Variants in POC1A observed in about 807,000 individuals in gnomAD.
POC1A encodes the protein POC1 centriolar protein A, also known as POC1 centriolar protein homolog A.
Under a neutral mutation model 47.8 loss-of-function variants are expected in POC1A, and 34 were observed. The ratio of observed to expected loss-of-function variants is 0.71; its 90% CI spans 0.54 to 0.95. POC1A has a LOEUF of 0.95. Ranked by LOEUF, POC1A falls within the 40% of genes least tolerant of loss-of-function variation. The pLI is 0.00. For missense variants in POC1A, 466 were observed against 528.3 expected (o/e 0.88, Z 1.16); for synonymous variants, 177 against 207.6 (o/e 0.85, Z 1.27).
intron 9 of POC1A, among the ~76,000 whole-genome samples, chr3:52,117,694 G>T (rs182139637): frequency 9.5e-4 from 144 of 151,372 alleles, no homozygotes; most frequent in African/African-American, 3.4e-3. Context: ...CAGAAAGTGG[G>T]TTTTTTTTTC....
intron 6 of POC1A, among the ~76,000 whole-genome samples, chr3:52,139,422 G>C (rs551334971): frequency 6.6e-6 from 1 of 152,080 alleles, no homozygotes; most frequent in East Asian, 1.9e-4. Flanking sequence ...TCCAAGAGCC[G>C]GCCACCCCAG....
intron 10 of POC1A, among the ~76,000 whole-genome samples, chr3:52,088,665 G>T (rs1389005570): frequency 6.6e-6 from 1 of 152,114 alleles, no homozygotes; most frequent in Non-Finnish European, 1.5e-5. Context: ...TCATAACACA[G>T]GCCCCTTTCT....
At chr3:52,137,439 C>T (rs962233626) in intron 7 of POC1A, among the ~76,000 whole-genome samples, 19 of 152,294 alleles carry the variant, frequency 1.2e-4, no homozygotes, top group Admixed American at 9.1e-4. Context: ...GACTCCAGAC[C>T]TCCCATCTCA....
At chr3:52,116,360 C>T (rs1703564997) in intron 9 of POC1A, among the ~76,000 whole-genome samples, 1 of 152,222 alleles carries the variant, frequency 6.6e-6, no homozygotes, top group South Asian at 2.1e-4. Flanking sequence ...GACCATCCTT[C>T]GGCACGGATG....
At chr3:52,147,120 C>T (rs1253343863) in intron 4 of POC1A, 25 bp from the exon 5 acceptor site, 2 of 1,556,726 alleles carry the variant, frequency 1.3e-6, no homozygotes, top group Non-Finnish European at 1.8e-6. Context: ...GCACAAGTCA[C>T]ATCACAGACT....
At chr3:52,115,145 T>C (rs1299872419) in intron 9 of POC1A, among the ~76,000 whole-genome samples, 1 of 152,028 alleles carries the variant, frequency 6.6e-6, no homozygotes, top group Non-Finnish European at 1.5e-5. Flanking sequence ...TTCCCTTTAA[T>C]AGTATTTTTT....
chr3:52,099,809 C>A (rs772968737), intron 9 of POC1A, among the ~76,000 whole-genome samples: 1 of 152,204 alleles, frequency 6.6e-6, no homozygotes, highest in Non-Finnish European at 1.5e-5. Flanking sequence ...TGAGATCACA[C>A]CACTGCACTC....
At chr3:52,148,142 T>C (rs1698431363) in intron 4 of POC1A, among the ~76,000 whole-genome samples, 1 of 152,160 alleles carries the variant, frequency 6.6e-6, no homozygotes, top group Non-Finnish European at 1.5e-5. Context: ...TGGGACCAGG[T>C]CCTCCGAGTC....
Position 52,079,202 on chromosome 3 carries a change from T to C in POC1A, c.1126-3217A>G, listed in dbSNP as rs1702209770. On this transcript the variant is annotated intron_variant, in intron 10 of 10. Transcript: ENST00000296484. This position sits in a 1 kb window ranked among gnomAD's most constrained non-coding sequence, Gnocchi z 4.6. Reference sequence around the variant, plus strand: ...AACAAAAAGTAAGCACATCCCCACATACCCATACGAGGGTTCAGAAAATAC... The same window carrying C: ...AACAAAAAGTAAGCACATCCCCACACACCCATACGAGGGTTCAGAAAATAC... 1.3e-5 allele frequency among the ~76,000 whole-genome samples: 2 copies of C among 152,258 alleles called. No homozygotes were observed. The highest frequency in any genetic ancestry group is 2.4e-5 in the African/African-American group (1 of 41,474).
At chr3:52,081,218 G>T (rs1702269129) in intron 10 of POC1A, among the ~76,000 whole-genome samples, 1 of 152,194 alleles carries the variant, frequency 6.6e-6, no homozygotes, top group African/African-American at 2.4e-5. Flanking sequence ...AGGTTTTATG[G>T]ACACGCCTGC....
intron 10 of POC1A, among the ~76,000 whole-genome samples, chr3:52,094,687 C>A (rs1200226237): frequency 6.6e-6 from 1 of 152,240 alleles, no homozygotes; most frequent in African/African-American, 2.4e-5. Flanking sequence ...CAAGAACATG[C>A]CTCGCTTTAT....
At chr3:52,119,002 AG>A (rs1703670756) in intron 9 of POC1A, among the ~76,000 whole-genome samples, 1 of 137,564 alleles carries the variant, frequency 7.3e-6, no homozygotes, top group Non-Finnish European at 1.5e-5. Context: ...TAAAGGCAAA[AG>A]GTTTTTTTTT....
chr3:52,117,524 G>T (rs530502794), intron 9 of POC1A, among the ~76,000 whole-genome samples: 15 of 152,286 alleles, frequency 9.8e-5, no homozygotes, highest in Admixed American at 2.0e-4. Context: ...GGTAGAGAAA[G>T]GATTTAATCA....
At position 52,139,872 on chromosome 3, in the gene POC1A, A is replaced by G. The variant is rs1698130576; in HGVS notation, c.680-1570T>C. ...GGGCAGTCTACGTGGGGACAGAGCA[A>G]CTCCACAGCCAATGCATGGATCAGC... On this transcript the variant is annotated intron_variant, in intron 6 of 10. Coordinates refer to ENST00000296484, the MANE Select transcript of POC1A (RefSeq NM_015426.5). 2.0e-5 allele frequency among the ~76,000 whole-genome samples: 3 copies of G among 151,976 alleles called. No homozygotes were observed. In the South Asian group the frequency reaches 6.2e-4, roughly 32 times the overall value.
intron 2 of POC1A, among the ~76,000 whole-genome samples, chr3:52,150,276 C>G (rs890182495): frequency 6.6e-6 from 1 of 152,166 alleles, no homozygotes; most frequent in Non-Finnish European, 1.5e-5. Flanking sequence ...AACTCATTCC[C>G]ATGGGGCCCA....
In POC1A at chr3:52,079,992, G is replaced by T. The variant is rs1371369484; in HGVS notation, c.1126-4007C>A. On this transcript the variant is annotated intron_variant, in intron 10 of 10. Transcript: ENST00000296484. The surrounding 1 kb of genome is among the most constrained non-coding windows in gnomAD (Gnocchi z 4.6). ...GGACCAGCAGGAGGTCCTGGGACTGGGCTCAGGGCGGTTCACCCTGATCAT... is the reference window on the plus strand; with the variant it reads ...GGACCAGCAGGAGGTCCTGGGACTGTGCTCAGGGCGGTTCACCCTGATCAT... Among the ~76,000 whole-genome samples, 1 of 152,108 alleles carries T rather than the reference G, an allele frequency of 6.6e-6. No individual in the cohort carries two copies. The highest frequency in any genetic ancestry group is 1.9e-4 in the East Asian group (1 of 5,190).
intron 9 of POC1A, among the ~76,000 whole-genome samples, chr3:52,099,703 C>G (rs1406431333): frequency 6.6e-6 from 1 of 152,018 alleles, no homozygotes; most frequent in Non-Finnish European, 1.5e-5. Flanking sequence ...ATACAAAAAT[C>G]AGCCAGGCAT....
chr3:52,108,349 T>C (rs1703260101), intron 9 of POC1A, among the ~76,000 whole-genome samples: 1 of 152,210 alleles, frequency 6.6e-6, no homozygotes. Flanking sequence ...ATGAGGCATC[T>C]AATGAAGACG....
intron 7 of POC1A, among the ~76,000 whole-genome samples, chr3:52,130,257 G>A (rs1490441406): frequency 2.0e-5 from 3 of 152,226 alleles, no homozygotes; most frequent in Non-Finnish European, 4.4e-5. Flanking sequence ...ATCACACAGA[G>A]AATGGGACTG....
Sources: allele counts gnomAD v4.1 joint callset (sites outside exome capture counted in the v4.1 genomes callset), GRCh38; gene constraint gnomAD v4.1.1; non-coding constraint Gnocchi (gnomAD v3.1); transcripts MANE v1.5; gene names NCBI Gene and HGNC (gene_info 2026-07-23, HGNC 2026-07-21).